The following EPS8 variants were observed in gnomAD, a reference collection of about 807,000 sequenced individuals.
EPS8 encodes EGFR pathway substrate 8, signaling adaptor.
EPS8 carries 42 observed loss-of-function variants against 103.8 expected under a neutral mutation model. The ratio of observed to expected loss-of-function variants is 0.40; its 90% CI spans 0.32 to 0.52. The LOEUF is 0.52. Among genes scored for constraint, EPS8 ranks in the 20% least tolerant of loss-of-function variants. EPS8 has a pLI of 0.40. For missense variants in EPS8, 969 were observed against 1,005.1 expected, an observed-to-expected ratio of 0.96 and a Z score of 0.49; for synonymous variants, 344 against 344.6, an observed-to-expected ratio of 1.00 and a Z score of 0.02.
In EPS8 at chr12:15,738,666, T is replaced by C. The variant is rs192515532; in HGVS notation, c.-22+50495A>G. 4.5e-4 allele frequency among the ~76,000 whole-genome samples: 68 copies of C among 152,326 alleles called. No homozygotes were observed. Among genetic ancestry groups the C allele is most frequent in the African/African-American group, 1.5e-3 (62 of 41,582 alleles). On this transcript the variant is annotated intron_variant, in intron 1 of 20. Transcript: ENST00000281172. The surrounding 1 kb of genome is among the most constrained non-coding windows in gnomAD (Gnocchi z 6.2). ...TAAGTACCTTAAAGCACTTGTGTTG[T>C]ATTTAATATCAGTCATTTGTTTGCA... is the stretch of plus-strand genomic sequence containing the variant.
At position 15,666,367 on chromosome 12, in the gene EPS8, T is replaced by G. The variant is rs574432254; in HGVS notation, c.599+73A>C. 5.3e-5 allele frequency: 59 copies of G among 1,116,016 alleles called. 1 individual carries two copies. The South Asian group carries it at 7.6e-4, about 14-fold the overall frequency. The allele number at this position is 1,116,016 out of a possible 1,614,324, so 69.1% of individuals were successfully genotyped here. A position where few individuals can be genotyped will look rare whatever the true frequency, so the allele number is the denominator to read the frequency against. ...TAATATACTTCCATAGAAAATAATT[T>G]TTCTAACTCTTTGGGGAAAAAAGCC... On this transcript the variant is annotated intron_variant, in intron 7 of 20. Coordinates refer to ENST00000281172, the MANE Select transcript of EPS8 (RefSeq NM_004447.6).
At position 15,717,064 on chromosome 12, in the gene EPS8, T is replaced by C. The variant is rs1946540368; in HGVS notation, c.-21-34092A>G. Among the ~76,000 whole-genome samples the C allele has an allele frequency of 6.6e-6, 1 of 152,226 alleles. No homozygotes were observed. The highest frequency in any genetic ancestry group is 2.4e-5 in the African/African-American group (1 of 41,454). On this transcript the variant is annotated intron_variant, in intron 1 of 20. Transcript: ENST00000281172. The surrounding 1 kb of genome is among the most constrained non-coding windows in gnomAD (Gnocchi z 4.3). Reference sequence around the variant, plus strand: ...TTACATACATGCTAAGTTAGTTAAATTTGTATGGATACAATGATCAATCAA... The same window carrying C: ...TTACATACATGCTAAGTTAGTTAAACTTGTATGGATACAATGATCAATCAA...
intron 12 of EPS8, chr12:15,654,509 A>G (rs575967458): frequency 1.8e-6 from 1 of 562,014 alleles, no homozygotes; most frequent in East Asian, 3.1e-5. Context: ...TTAACAATTT[A>G]ACAACTTTCA....
intron 17 of EPS8, among the ~76,000 whole-genome samples, chr12:15,639,040 C>T (rs1945184321): frequency 6.6e-6 from 1 of 152,138 alleles, no homozygotes; most frequent in South Asian, 2.1e-4. Context: ...TTGCTTATTC[C>T]TAGCAACCAC....
rs540085017 is a variant in EPS8 at position 15,785,162 on chromosome 12, T to C, written c.-22+3999A>G. 4.6e-5 allele frequency among the ~76,000 whole-genome samples: 7 copies of C among 152,260 alleles called. No homozygotes were observed. The South Asian group carries it at 1.2e-3, about 27-fold the overall frequency. On this transcript the variant is annotated intron_variant, in intron 1 of 20. Transcript: ENST00000281172. The surrounding 1 kb of genome is among the most constrained non-coding windows in gnomAD (Gnocchi z 4.9). ...AAGGAATCCCAAGGTGGAATGCAGA[T>C]TGTAACAAAGAAATCTAACTGTATT...
At chr12:15,640,966 T>C (rs912158561) in intron 16 of EPS8, 120 bp from the exon 17 acceptor site, 1 of 749,890 alleles carries the variant, frequency 1.3e-6, no homozygotes, top group South Asian at 1.8e-5. Context: ...AGCATCAACA[T>C]AGTGTTGATT....
intron 1 of EPS8, among the ~76,000 whole-genome samples, chr12:15,758,196 C>T (rs1353028417): frequency 1.3e-5 from 2 of 152,160 alleles, no homozygotes; most frequent in Non-Finnish European, 2.9e-5. Flanking sequence ...AGAGCAAAGA[C>T]CCCACCTCTC....
In EPS8 at chr12:15,669,839, A is replaced by C. The variant is rs749795523; in HGVS notation, c.205-14T>G. The C allele has an allele frequency of 5.1e-6, 8 of 1,569,196 alleles. No homozygotes were observed. The South Asian group carries it at 8.3e-5, about 16-fold the overall frequency. On this transcript the variant is annotated splice_polypyrimidine_tract_variant and intron_variant, in intron 4 of 20. Transcript: ENST00000281172. ...GGTAGTCAAGTGCTTACAATTGGCA[A>C]AAAGGAAAAAGATTTATAACACATA...
At chr12:15,705,894 G>A (rs917422114) in intron 1 of EPS8, among the ~76,000 whole-genome samples, 4 of 151,986 alleles carry the variant, frequency 2.6e-5, no homozygotes, top group African/African-American at 9.7e-5. Context: ...AACCCTCAAT[G>A]TTTGATATCA....
rs569445173 is a variant in EPS8 at position 15,778,296 on chromosome 12, C to T, written c.-22+10865G>A. ...TCAGGCATACGCATTAATCCCACAC[C>T]TTTGCATGCATGAGTATCATGTGAA... On this transcript the variant is annotated intron_variant, in intron 1 of 20. Transcript: ENST00000281172. The surrounding 1 kb of genome is among the most constrained non-coding windows in gnomAD (Gnocchi z 4.5). Among the ~76,000 whole-genome samples the T allele has an allele frequency of 1.9e-4, 29 of 152,284 alleles. No individual in the cohort carries two copies. The highest frequency in any genetic ancestry group is 7.0e-4 in the African/African-American group (29 of 41,572).
rs902643832 is a variant in EPS8 at position 15,734,012 on chromosome 12, G to A, written c.-21-51040C>T. 1.3e-5 allele frequency among the ~76,000 whole-genome samples: 2 copies of A among 151,878 alleles called. No homozygotes were observed. The highest frequency in any genetic ancestry group is 2.9e-5 in the Non-Finnish European group (2 of 67,958). ...TCAGTGAGACCCTCAGCTAATTTTT[G>A]TATTTTTTGTAGAGAAAGGGTCTCT... On this transcript the variant is annotated intron_variant, in intron 1 of 20. Transcript: ENST00000281172. The surrounding 1 kb of genome is among the most constrained non-coding windows in gnomAD (Gnocchi z 4.1).
At chr12:15,646,327 G>A (rs770981190) in intron 15 of EPS8, among the ~76,000 whole-genome samples, 1 of 152,052 alleles carries the variant, frequency 6.6e-6, no homozygotes, top group South Asian at 2.1e-4. Flanking sequence ...GAAGTAAAGG[G>A]CATATAACTC....
At chr12:15,774,275 G>A (rs1947184658) in intron 1 of EPS8, among the ~76,000 whole-genome samples, 1 of 151,852 alleles carries the variant, frequency 6.6e-6, no homozygotes, top group South Asian at 2.1e-4. Flanking sequence ...CTCTTTTACA[G>A]ATTTGATAAA....
At chr12:15,768,971 T>C (rs2136040675) in intron 1 of EPS8, among the ~76,000 whole-genome samples, 1 of 152,270 alleles carries the variant, frequency 6.6e-6, no homozygotes, top group South Asian at 2.1e-4. Context: ...CCTGAGCTTT[T>C]AAAAAATAAA....
chr12:15,647,350 G>T, intron 14 of EPS8, 90 bp from the exon 15 acceptor site: 1 of 1,149,916 alleles, frequency 8.7e-7, no homozygotes, highest in Non-Finnish European at 1.2e-6. Context: ...CAACTATATT[G>T]TGATAAGTTT....
At position 15,759,411 on chromosome 12, in the gene EPS8, A is replaced by G. The variant is rs1434866896; in HGVS notation, c.-22+29750T>C. Among the ~76,000 whole-genome samples, 1 of 152,140 alleles carries G rather than the reference A, an allele frequency of 6.6e-6. No individual in the cohort carries two copies. Among genetic ancestry groups the G allele is most frequent in the Non-Finnish European group, 1.5e-5 (1 of 67,962 alleles). Reference sequence around the variant, plus strand: ...AAAAATTATAATGACCATCTACTGTATTTAATATTTATCCATTAAGAAAGA... The same window carrying G: ...AAAAATTATAATGACCATCTACTGTGTTTAATATTTATCCATTAAGAAAGA... On this transcript the variant is annotated intron_variant, in intron 1 of 20. Coordinates refer to ENST00000281172, the MANE Select transcript of EPS8 (RefSeq NM_004447.6). This position sits in a 1 kb window ranked among gnomAD's most constrained non-coding sequence, Gnocchi z 4.9.
intron 1 of EPS8, among the ~76,000 whole-genome samples, chr12:15,729,452 T>A (rs1258153349): frequency 6.6e-6 from 1 of 152,190 alleles, no homozygotes; most frequent in African/African-American, 2.4e-5. Context: ...AGTTTTTTCC[T>A]TCTTCTTATG....
chr12:15,777,960 C>T lies in EPS8; in HGVS notation c.-22+11201G>A, dbSNP rs914989907. ...CTGGGACTGAAACTTTTTGTTTCAA[C>T]AGTTTGGGTAAGAAATGTAAAAAAA... On this transcript the variant is annotated intron_variant, in intron 1 of 20. Transcript: ENST00000281172. The surrounding 1 kb of genome is among the most constrained non-coding windows in gnomAD (Gnocchi z 4.7). 3.9e-5 allele frequency among the ~76,000 whole-genome samples: 6 copies of T among 152,036 alleles called. No individual in the cohort carries two copies. The highest frequency in any genetic ancestry group is 1.4e-4 in the African/African-American group (6 of 41,406).
Position 15,650,808 on chromosome 12 carries a change from T to TAA in EPS8, c.1434+13_1434+14dup. On this transcript the variant is annotated intron_variant, in intron 14 of 20. Coordinates refer to ENST00000281172, the MANE Select transcript of EPS8 (RefSeq NM_004447.6). Reference sequence around the variant, plus strand: ...TTACACTGTCTACAGAGGGCAATGTTAAAAAAAAAACTACCTCTGTGGATA... The same window carrying TAA: ...TTACACTGTCTACAGAGGGCAATGTTAAAAAAAAAAAACTACCTCTGTGGATA... 18 of 1,392,182 alleles carry TAA rather than the reference T, an allele frequency of 1.3e-5. No homozygotes were observed. Among genetic ancestry groups the TAA allele is most frequent in the Admixed American group, 1.9e-5 (1 of 52,618 alleles). The allele number at this position is 1,392,182 out of a possible 1,614,324, so 86.2% of individuals were successfully genotyped here.
Sources: allele counts gnomAD v4.1 joint callset (sites outside exome capture counted in the v4.1 genomes callset), GRCh38; gene constraint gnomAD v4.1.1; non-coding constraint Gnocchi (gnomAD v3.1); transcripts MANE v1.5; gene names NCBI Gene and HGNC (gene_info 2026-07-23, HGNC 2026-07-21).